The following IQCB1 variants were observed in gnomAD, a reference collection of about 807,000 sequenced individuals.
IQCB1 encodes IQ motif containing B1.
In IQCB1, 56 loss-of-function variants were observed where a neutral mutation model predicts 84.4. That is an observed-to-expected ratio of 0.66 (90% confidence interval 0.54 to 0.83). The LOEUF (loss-of-function observed/expected upper bound fraction) is 0.83. Ranked by LOEUF, IQCB1 falls within the 40% of genes least tolerant of loss-of-function variation. The pLI is 0.00. For missense variants in IQCB1, 629 were observed against 682.1 expected, an observed-to-expected ratio of 0.92 and a Z score of 0.87; for synonymous variants, 210 against 234.8, an observed-to-expected ratio of 0.89 and a Z score of 0.96.
intron 7 of IQCB1, among the ~76,000 whole-genome samples, chr3:121,799,944 C>T (rs1446008207): frequency 6.6e-6 from 1 of 151,730 alleles, no homozygotes; most frequent in African/African-American, 2.4e-5. Flanking sequence ...CTTTTATTTA[C>T]CCCCTTAAGG....
At position 121,772,595 on chromosome 3, in the gene IQCB1, A is replaced by T; in HGVS notation, c.1529T>A (p.Leu510Gln). The T allele has an allele frequency of 6.2e-7, 1 of 1,614,256 alleles. No homozygotes were observed. The highest frequency in any genetic ancestry group is 8.5e-7 in the Non-Finnish European group (1 of 1,180,042). Residue 510 changes from leucine (L) to glutamine (Q), a missense_variant, in exon 14 of 15, where the codon CTG (leucine) becomes CAG (glutamine). Transcript: ENST00000310864. ...EERAQQHREA[L>Q]IAQISTNVEQ... Reference sequence around the variant, plus strand: ...AACGTTGGTGCTGATCTGTGCTATCAGAGCTTCTCTGTGCTGCTGGGCTCG... The same window carrying T: ...AACGTTGGTGCTGATCTGTGCTATCTGAGCTTCTCTGTGCTGCTGGGCTCG...
intron 8 of IQCB1, among the ~76,000 whole-genome samples, chr3:121,797,626 C>T (rs1042507312): frequency 9.2e-5 from 14 of 151,970 alleles, no homozygotes; most frequent in Non-Finnish European, 1.5e-4. Context: ...TCAGTAAATG[C>T]TTGCCCTGTG....
chr3:121,808,687 A>T (rs1400869103), intron 6 of IQCB1, among the ~76,000 whole-genome samples: 1 of 152,000 alleles, frequency 6.6e-6, no homozygotes, highest in African/African-American at 2.4e-5. Flanking sequence ...GAAAAAGCTA[A>T]AGTTTTATTT....
intron 4 of IQCB1, among the ~76,000 whole-genome samples, chr3:121,827,554 G>A (rs1240557196): frequency 1.3e-5 from 2 of 151,678 alleles, no homozygotes; most frequent in Non-Finnish European, 2.9e-5. Flanking sequence ...CTAGCATATC[G>A]AATCAAAACA....
intron 5 of IQCB1, among the ~76,000 whole-genome samples, chr3:121,812,926 A>C (rs1424481010): frequency 3.3e-5 from 5 of 152,212 alleles, no homozygotes; most frequent in Non-Finnish European, 5.9e-5. Flanking sequence ...AATACCACTA[A>C]GATACTCCTC....
chr3:121,803,730 C>T (rs1229103627), intron 7 of IQCB1, among the ~76,000 whole-genome samples: 1 of 152,094 alleles, frequency 6.6e-6, no homozygotes, highest in Non-Finnish European at 1.5e-5. Context: ...ATTCTTTGTT[C>T]TGTAACTTAC....
At chr3:121,775,715 G>A (rs1050161682) in intron 13 of IQCB1, among the ~76,000 whole-genome samples, 17 of 151,892 alleles carry the variant, frequency 1.1e-4, no homozygotes, top group African/African-American at 3.9e-4. Flanking sequence ...TTTTTTTTAA[G>A]CATTTAGGTT....
chr3:121,830,223 T>TAA (rs35943328), intron 2 of IQCB1, among the ~76,000 whole-genome samples: 3 of 125,256 alleles, frequency 2.4e-5, no homozygotes, highest in African/African-American at 5.8e-5. Context: ...ATAATAATAA[T>TAA]TAATAAATAA....
Position 121,826,050 on chromosome 3 carries a change from C to G in IQCB1, c.393+1G>C, listed in dbSNP as rs1226321871. ...CTACAAAAGACTAAATAAACACATA[C>G]CTTAGCTGCATTGATAAAACATGTT... On this transcript the variant is annotated splice_donor_variant, in intron 5 of 14. Coordinates refer to ENST00000310864, the MANE Select transcript of IQCB1 (RefSeq NM_001023570.4). LOFTEE classifies it high-confidence loss of function. 2.5e-6 allele frequency: 4 copies of G among 1,611,828 alleles called. No homozygotes were observed. The highest frequency in any genetic ancestry group is 3.4e-6 in the Non-Finnish European group (4 of 1,178,212).
At chr3:121,831,250 G>A (rs1665443706) in intron 2 of IQCB1, among the ~76,000 whole-genome samples, 1 of 142,658 alleles carries the variant, frequency 7.0e-6, no homozygotes, top group Admixed American at 7.5e-5. Context: ...ATGGCTCACT[G>A]CAGCCTAGAC....
At chr3:121,831,827 T>G (rs1207297259) in intron 2 of IQCB1, among the ~76,000 whole-genome samples, 1 of 152,222 alleles carries the variant, frequency 6.6e-6, no homozygotes, top group Non-Finnish European at 1.5e-5. Flanking sequence ...TGAAAATACC[T>G]TAAAGAAAGC....
intron 2 of IQCB1, among the ~76,000 whole-genome samples, chr3:121,833,528 T>C (rs796687111): frequency 6.6e-5 from 10 of 152,334 alleles, no homozygotes; most frequent in African/African-American, 2.2e-4. Context: ...TCAACAAATA[T>C]GTGCAGAGCA....
intron 5 of IQCB1, among the ~76,000 whole-genome samples, chr3:121,816,822 A>AAATT (rs1279872815): frequency 6.6e-6 from 1 of 151,304 alleles, no homozygotes; most frequent in Non-Finnish European, 1.5e-5. Flanking sequence ...GTGGGAATGT[A>AAATT]AGTTCAACCA....
chr3:121,799,201 T>C lies in IQCB1; in HGVS notation c.761A>G (p.Tyr254Cys), dbSNP rs1484417223. 6.2e-6 allele frequency: 10 copies of C among 1,605,216 alleles called. No individual in the cohort carries two copies. The highest frequency in any genetic ancestry group is 1.1e-5 in the South Asian group (1 of 90,746). The change falls in exon 8 of 15, where the codon TAC becomes TGC. Residue 254 changes from tyrosine to cysteine, a missense_variant. Transcript: ENST00000310864. ...ILILLRQSTC[Y>C]KGLRRLLSKQ... ...AGAAAGAATGAATGTACTACCTTTG[T>C]AGCAGGTACTTTGTCTCAGTAAAAT...
Position 121,770,247 on chromosome 3 carries a change from T to A in IQCB1, c.*98A>T. The A allele has an allele frequency of 1.3e-6, 1 of 788,188 alleles. No homozygotes were observed. Among genetic ancestry groups the A allele is most frequent in the Non-Finnish European group, 2.2e-6 (1 of 462,874 alleles). The allele number at this position is 788,188 out of a possible 1,614,324, so 48.8% of individuals were successfully genotyped here. ...TGTCTGGAGGAGAACCTCTGGAAAA[T>A]AATAAGTTAGGATGGCCCTAGTCTA... is the stretch of plus-strand genomic sequence containing the variant. On this transcript the variant is annotated 3_prime_UTR_variant, in exon 15 of 15. Transcript: ENST00000310864.
chr3:121,785,057 T>C (rs6776703), intron 12 of IQCB1, among the ~76,000 whole-genome samples: 42,373 of 151,904 alleles, frequency 0.28, 6,442 homozygotes, highest in Admixed American at 0.44. Flanking sequence ...ATTCTCCCCT[T>C]TCCTTGATTT....
chr3:121,813,423 T>C (rs905430105), intron 5 of IQCB1, among the ~76,000 whole-genome samples: 3 of 152,152 alleles, frequency 2.0e-5, no homozygotes, highest in Non-Finnish European at 4.4e-5. Flanking sequence ...CACATAACAA[T>C]ATTAACCTTA....
chr3:121,791,843 C>A (rs1948988941), intron 10 of IQCB1, among the ~76,000 whole-genome samples: 1 of 152,176 alleles, frequency 6.6e-6, no homozygotes, highest in Non-Finnish European at 1.5e-5. Context: ...GTAATCCCAG[C>A]ACTTTGGGAG....
chr3:121,833,706 A>G (rs1397651896), intron 2 of IQCB1, among the ~76,000 whole-genome samples: 1 of 152,242 alleles, frequency 6.6e-6, no homozygotes, highest in Admixed American at 6.5e-5. Context: ...GATGACACAG[A>G]TAAGAATACA....
Sources: gnomAD v4.1 joint callset for allele counts (sites outside exome capture counted in the v4.1 genomes callset) on GRCh38, gnomAD v4.1.1 for gene constraint, MANE v1.5 for transcripts, NCBI Gene and HGNC (gene_info 2026-07-23, HGNC 2026-07-21) for gene names.